PCED1B: variants seen among roughly 807,000 people sequenced by gnomAD.
PCED1B encodes PC-esterase domain containing 1B, also known as PC-esterase domain-containing protein 1B.
For synonymous variants in PCED1B, 251 were observed against 246.1 expected (o/e 1.02, Z -0.19); for missense variants, 573 against 573.9 (o/e 1.00, Z 0.02).
intron 2 of PCED1B, among the ~76,000 whole-genome samples, chr12:47,164,351 G>T (rs12425756): frequency 4.2e-4 from 64 of 152,166 alleles, no homozygotes; most frequent in Admixed American, 1.2e-3. Flanking sequence ...ACTCCAAAAG[G>T]GAAAAATAGG....
intron 2 of PCED1B, among the ~76,000 whole-genome samples, chr12:47,196,126 A>G (rs1942595936): frequency 6.6e-6 from 1 of 152,246 alleles, no homozygotes. Context: ...GAATATATTG[A>G]CATTTTTAAA....
At chr12:47,181,562 T>C (rs11183776) in intron 2 of PCED1B, among the ~76,000 whole-genome samples, 40,078 of 151,798 alleles carry the variant, frequency 0.26, 6,318 homozygotes, top group Non-Finnish European at 0.36. Flanking sequence ...AGACAGAGTT[T>C]CACCATGTTG....
chr12:47,101,846 T>A (rs1938720895), intron 1 of PCED1B, among the ~76,000 whole-genome samples: 1 of 151,744 alleles, frequency 6.6e-6, no homozygotes, highest in South Asian at 2.1e-4. Context: ...CCGGGGAAGC[T>A]GAGGCAGGAG....
At chr12:47,089,409 T>C (rs1352645184) in intron 1 of PCED1B, among the ~76,000 whole-genome samples, 1 of 136,352 alleles carries the variant, frequency 7.3e-6, no homozygotes, top group Admixed American at 8.1e-5. Context: ...ATCATGCCAC[T>C]GAACTCCAGC....
chr12:47,170,240 A>C (rs1565580021), intron 2 of PCED1B, among the ~76,000 whole-genome samples: 1 of 152,186 alleles, frequency 6.6e-6, no homozygotes, highest in Non-Finnish European at 1.5e-5. Flanking sequence ...CAGCATCCCA[A>C]GGCAGAAGAA....
chr12:47,089,888 C>T (rs1417412411), intron 1 of PCED1B, among the ~76,000 whole-genome samples: 4 of 152,058 alleles, frequency 2.6e-5, no homozygotes, highest in African/African-American at 9.7e-5. Flanking sequence ...ATTCTCCTGC[C>T]TCAACCTCCC....
intron 2 of PCED1B, among the ~76,000 whole-genome samples, chr12:47,147,889 C>T (rs529607985): frequency 3.3e-4 from 50 of 152,298 alleles, no homozygotes; most frequent in Admixed American, 2.5e-3. Context: ...TCCAAAACCA[C>T]GTCCATGTTA....
Position 47,107,977 on chromosome 12 carries a change from A to C in PCED1B, c.-526+3782A>C, listed in dbSNP as rs1939030802. 2.0e-5 allele frequency among the ~76,000 whole-genome samples: 3 copies of C among 152,282 alleles called. No homozygotes were observed. The South Asian group carries it at 6.2e-4, about 32-fold the overall frequency. On this transcript the variant is annotated intron_variant, in intron 2 of 3. Coordinates refer to ENST00000546455, the MANE Select transcript of PCED1B (RefSeq NM_138371.3). ...TTTCTCATATATAAAATAAGGATGTAAATAATTATTATTTTGTAGGATTGT... is the reference window on the plus strand; with the variant it reads ...TTTCTCATATATAAAATAAGGATGTCAATAATTATTATTTTGTAGGATTGT...
At chr12:47,209,663 G>A (rs1325589840) in intron 2 of PCED1B, 1 of 152,158 alleles carries the variant, frequency 6.6e-6, no homozygotes, top group Non-Finnish European at 1.5e-5. Flanking sequence ...TGTTATCAAA[G>A]GGAATCCAGA....
At chr12:47,095,054 G>A (rs1354941662) in intron 1 of PCED1B, among the ~76,000 whole-genome samples, 1 of 146,540 alleles carries the variant, frequency 6.8e-6, no homozygotes, top group East Asian at 2.0e-4. Context: ...CTACTGGTGT[G>A]TGCCACTGTG....
intron 2 of PCED1B, among the ~76,000 whole-genome samples, chr12:47,146,641 C>T (rs1474093259): frequency 7.2e-5 from 11 of 152,166 alleles, no homozygotes. Context: ...TGATTATTAG[C>T]ATTTTTAGCA....
At chr12:47,148,690 C>T (rs1343058455) in intron 2 of PCED1B, among the ~76,000 whole-genome samples, 1 of 152,168 alleles carries the variant, frequency 6.6e-6, no homozygotes, top group Non-Finnish European at 1.5e-5. Flanking sequence ...AATACTTTGT[C>T]CAGTTGTTCA....
intron 2 of PCED1B, among the ~76,000 whole-genome samples, chr12:47,195,078 TC>T (rs1942560466): frequency 6.6e-6 from 1 of 152,210 alleles, no homozygotes; most frequent in African/African-American, 2.4e-5. Context: ...ACGCCTATAA[TC>T]CCAGCATTTG....
intron 2 of PCED1B, among the ~76,000 whole-genome samples, chr12:47,157,814 T>C (rs1158908769): frequency 6.6e-6 from 1 of 152,198 alleles, no homozygotes; most frequent in African/African-American, 2.4e-5. Flanking sequence ...TCCCCACTTC[T>C]GCTAGTTCCT....
At chr12:47,229,248 A>G (rs921243364) in intron 3 of PCED1B, among the ~76,000 whole-genome samples, 76 of 152,136 alleles carry the variant, frequency 5.0e-4, no homozygotes, top group African/African-American at 1.7e-3. Flanking sequence ...CCCCATCTCT[A>G]CTAAAAATAT....
intron 2 of PCED1B, among the ~76,000 whole-genome samples, chr12:47,119,175 A>C (rs1453714682): frequency 4.6e-5 from 7 of 152,216 alleles, no homozygotes; most frequent in African/African-American, 1.4e-4. Context: ...GGACAACTGC[A>C]TAACCACATG....
intron 2 of PCED1B, among the ~76,000 whole-genome samples, chr12:47,121,816 G>C (rs1488402868): frequency 6.6e-6 from 1 of 152,068 alleles, no homozygotes; most frequent in Non-Finnish European, 1.5e-5. Flanking sequence ...CAGATCACTT[G>C]AGGTCAGCAG....
chr12:47,106,512 G>C (rs2137241667), intron 2 of PCED1B, among the ~76,000 whole-genome samples: 1 of 152,244 alleles, frequency 6.6e-6, no homozygotes, highest in East Asian at 1.9e-4. Context: ...CTGGTGCTCA[G>C]GATAAGGTGA....
intron 2 of PCED1B, among the ~76,000 whole-genome samples, chr12:47,194,273 C>T (rs1214997228): frequency 1.3e-5 from 2 of 152,206 alleles, no homozygotes; most frequent in African/African-American, 4.8e-5. Context: ...CTGCTGGGTT[C>T]AAGTGATTCT....
Sources: allele counts gnomAD v4.1 joint callset (sites outside exome capture counted in the v4.1 genomes callset), GRCh38; gene constraint gnomAD v4.1.1; transcripts MANE v1.5; gene names NCBI Gene and HGNC (gene_info 2026-07-23, HGNC 2026-07-21).